Variants in HMGCLL1 observed in about 807,000 individuals in gnomAD.
HMGCLL1 encodes 3-hydroxymethyl-3-methylglutaryl-CoA lyase, cytoplasmic.
A neutral mutation model predicts 39.1 loss-of-function variants in HMGCLL1; 36 were observed. The observed-to-expected ratio is 0.92, with a 90% CI of 0.71 to 1.22. HMGCLL1 has a LOEUF of 1.22. HMGCLL1 is among the 50% of genes most tolerant of loss of function. HMGCLL1 has a pLI of 0.00. For synonymous variants in HMGCLL1, 149 were observed against 144.0 expected, an observed-to-expected ratio of 1.03 and a Z score of -0.25; for missense variants, 451 against 416.5, an observed-to-expected ratio of 1.08 and a Z score of -0.72.
chr6:55,563,495 C>CACTTATAAT (rs1294793494), intron 1 of HMGCLL1, among the ~76,000 whole-genome samples: 3 of 152,102 alleles, frequency 2.0e-5, no homozygotes, highest in African/African-American at 7.2e-5. Flanking sequence ...TTATTTTTCA[C>CACTTATAAT]TCCTGGGAAT....
rs184752641 is a variant in HMGCLL1, at chr6:55,436,945, G to A, written c.922-1182C>T. Among the ~76,000 whole-genome samples, 3 of 152,070 alleles carry A rather than the reference G, an allele frequency of 2.0e-5. No individual in the cohort carries two copies. In the East Asian group the frequency reaches 5.8e-4, roughly 29 times the overall value. On this transcript the variant is annotated intron_variant, in intron 8 of 8. Coordinates refer to ENST00000274901, the MANE Select transcript of HMGCLL1 (RefSeq NM_001042406.2). Reference sequence around the variant, plus strand: ...GGTAACGGCTTTACGTGGAGTATCTGTTTAACATCCTTAATCCAATGATAC... The same window carrying A: ...GGTAACGGCTTTACGTGGAGTATCTATTTAACATCCTTAATCCAATGATAC...
At chr6:55,450,217 A>G (rs1764023152) in intron 7 of HMGCLL1, among the ~76,000 whole-genome samples, 1 of 152,226 alleles carries the variant, frequency 6.6e-6, no homozygotes, top group Non-Finnish European at 1.5e-5. Context: ...TGGTTAAGGA[A>G]AATGACAGCT....
At chr6:55,581,320 GT>G (rs558463046), upstream of HMGCLL1, among the ~76,000 whole-genome samples, 11 of 152,028 alleles carry the variant, frequency 7.2e-5, no homozygotes, top group African/African-American at 2.7e-4. Context: ...AAAAGTATTT[GT>G]TTTTTATTTT....
In HMGCLL1 at chr6:55,435,109, A is replaced by C. The variant is rs958098863; in HGVS notation, c.*553T>G. 3 of 152,580 alleles carry C rather than the reference A, an allele frequency of 2.0e-5. No individual in the cohort carries two copies. The highest frequency in any genetic ancestry group is 7.2e-5 in the African/African-American group (3 of 41,448). The allele number at this position is 152,580 out of a possible 1,614,324, so 9.5% of individuals were successfully genotyped here. ...AGATAAAGTCACTGAAATAGTTAAC[A>C]GATGTTAGCCATACTTGAAATATAA... On this transcript the variant is annotated 3_prime_UTR_variant, in exon 9 of 9. Transcript: ENST00000274901.
At chr6:55,441,247 TAGG>T (rs143651901) in intron 7 of HMGCLL1, among the ~76,000 whole-genome samples, 179 of 152,204 alleles carry the variant, frequency 1.2e-3, no homozygotes, top group African/African-American at 3.9e-3. Context: ...GAAGACAGGA[TAGG>T]GTGATCAGAC....
intron 1 of HMGCLL1, among the ~76,000 whole-genome samples, chr6:55,577,687 C>G (rs1771826133): frequency 6.6e-6 from 1 of 152,116 alleles, no homozygotes; most frequent in African/African-American, 2.4e-5. Flanking sequence ...ATCATATAAA[C>G]TCTCAGACTT....
At chr6:55,466,413 A>G (rs1764801473) in intron 7 of HMGCLL1, among the ~76,000 whole-genome samples, 1 of 152,056 alleles carries the variant, frequency 6.6e-6, no homozygotes, top group Non-Finnish European at 1.5e-5. Flanking sequence ...CGCTTTGAGA[A>G]TCTGCTTTGA....
chr6:55,625,643 C>A, the HMGCLL1 span, among the ~76,000 whole-genome samples: 2 of 152,098 alleles, frequency 1.3e-5, no homozygotes, highest in Non-Finnish European at 2.9e-5. Context: ...GAGCAGTGAA[C>A]CTGATTGTGC....
the HMGCLL1 span, among the ~76,000 whole-genome samples, chr6:55,615,888 G>A: frequency 6.6e-6 from 1 of 151,978 alleles, no homozygotes; most frequent in African/African-American, 2.4e-5. Flanking sequence ...GTACCAAAAT[G>A]AATACAGAAA....
chr6:55,548,053 A>G (rs1398716876), intron 1 of HMGCLL1, among the ~76,000 whole-genome samples: 1 of 152,034 alleles, frequency 6.6e-6, no homozygotes, highest in Non-Finnish European at 1.5e-5. Context: ...TTGGCAGTTT[A>G]ATAAAAATTT....
At chr6:55,573,033 G>A (rs1771594365) in intron 1 of HMGCLL1, among the ~76,000 whole-genome samples, 1 of 152,126 alleles carries the variant, frequency 6.6e-6, no homozygotes, top group South Asian at 2.1e-4. Flanking sequence ...AGGCTGGAGT[G>A]GAAATAGTTT....
At chr6:55,555,152 G>A (rs1032103040) in intron 1 of HMGCLL1, among the ~76,000 whole-genome samples, 1 of 152,076 alleles carries the variant, frequency 6.6e-6, no homozygotes, top group African/African-American at 2.4e-5. Flanking sequence ...CCACCTTTAT[G>A]ATGCCTTCTC....
the HMGCLL1 span, among the ~76,000 whole-genome samples, chr6:55,633,560 A>C: frequency 6.6e-6 from 1 of 151,996 alleles, no homozygotes; most frequent in Non-Finnish European, 1.5e-5. Flanking sequence ...CTGCATAACC[A>C]TTTTATGCAA....
At chr6:55,443,582 G>A (rs566535126) in intron 7 of HMGCLL1, among the ~76,000 whole-genome samples, 1 of 152,060 alleles carries the variant, frequency 6.6e-6, no homozygotes, top group Non-Finnish European at 1.5e-5. Context: ...GGGCAAGAGT[G>A]AAAGATTTAT....
At chr6:55,581,061 G>A (rs1771977507), upstream of HMGCLL1, among the ~76,000 whole-genome samples, 1 of 152,036 alleles carries the variant, frequency 6.6e-6, no homozygotes, top group African/African-American at 2.4e-5. Context: ...CTTCATAATG[G>A]AGTCAACAAT....
At chr6:55,503,868 T>C (rs1767021020) in intron 5 of HMGCLL1, among the ~76,000 whole-genome samples, 1 of 151,744 alleles carries the variant, frequency 6.6e-6, no homozygotes, top group South Asian at 2.1e-4. Flanking sequence ...TTCTGTGGCA[T>C]TTAGCCTCTG....
the HMGCLL1 span, among the ~76,000 whole-genome samples, chr6:55,622,930 A>T: frequency 6.6e-6 from 1 of 151,804 alleles, no homozygotes; most frequent in Admixed American, 6.6e-5. Context: ...TATGGCTTTG[A>T]TCTCATTACT....
intron 5 of HMGCLL1, among the ~76,000 whole-genome samples, chr6:55,502,717 T>C (rs1002566248): frequency 5.1e-5 from 1 of 19,476 alleles, no homozygotes; most frequent in Non-Finnish European, 1.7e-4. Context: ...GATCTGGTTT[T>C]TTTTTTTTTG....
chr6:55,476,103 T>C (rs1765272506), intron 7 of HMGCLL1, among the ~76,000 whole-genome samples: 2 of 151,828 alleles, frequency 1.3e-5, no homozygotes, highest in African/African-American at 4.8e-5. Context: ...AATCCACTTG[T>C]CAATTCCTTG....
Sources: gnomAD v4.1 joint callset for allele counts (sites outside exome capture counted in the v4.1 genomes callset) on GRCh38, gnomAD v4.1.1 for gene constraint, MANE v1.5 for transcripts, NCBI Gene and HGNC (gene_info 2026-07-23, HGNC 2026-07-21) for gene names.